Variants in GRM3 observed in about 807,000 individuals in gnomAD.
The protein encoded by GRM3 is metabotropic glutamate receptor 3.
A neutral mutation model predicts 70.5 loss-of-function variants in GRM3; 26 were observed. The observed-to-expected ratio is 0.37, with a 90% CI of 0.27 to 0.51. The LOEUF (loss-of-function observed/expected upper bound fraction) is 0.51, where lower values mean the gene tolerates loss of function less well. GRM3 is among the 20% of genes least tolerant of loss of function. GRM3 has a pLI of 0.93. For synonymous variants in GRM3, 443 were observed against 434.9 expected (o/e 1.02, Z -0.23); for missense variants, 859 against 1,123.8 (o/e 0.76, Z 3.37).
intron 1 of GRM3, among the ~76,000 whole-genome samples, chr7:86,729,199 G>C (rs1795663119): frequency 6.6e-6 from 1 of 152,134 alleles, no homozygotes; most frequent in Admixed American, 6.5e-5. Flanking sequence ...GGATTCCCAA[G>C]CTGGACTGTC....
At chr7:86,720,933 CAAG>C (rs1795446820) in intron 1 of GRM3, among the ~76,000 whole-genome samples, 1 of 151,992 alleles carries the variant, frequency 6.6e-6, no homozygotes, top group African/African-American at 2.4e-5. Flanking sequence ...AGTAAACAAA[CAAG>C]AAACAGAGGA....
chr7:86,765,184 T>C lies in GRM3; in HGVS notation c.39T>C (p.Ala13=). 1 of 1,600,282 alleles carries C rather than the reference T, an allele frequency of 6.2e-7. No individual in the cohort carries two copies. The highest frequency in any genetic ancestry group is 8.5e-7 in the Non-Finnish European group (1 of 1,175,450). ...MLTRLQVLTL[A]LFSKGFLLSL... ...CAAGACTGCAAGTTCTTACCTTAGC[T>C]TTGTTTTCAAAGGGATTTTTACTCT... The change falls in exon 2 of 6, where the codon GCT becomes GCC. Residue 13 remains alanine (A), a synonymous_variant. Transcript: ENST00000361669.
At chr7:86,823,370 CT>C (rs1798163115) in intron 3 of GRM3, among the ~76,000 whole-genome samples, 1 of 152,008 alleles carries the variant, frequency 6.6e-6, no homozygotes, top group South Asian at 2.1e-4. Flanking sequence ...TCTACTACCC[CT>C]GCTTTTCTTT....
intron 3 of GRM3, among the ~76,000 whole-genome samples, chr7:86,828,872 T>G (rs929773426): frequency 6.6e-6 from 1 of 152,246 alleles, no homozygotes; most frequent in African/African-American, 2.4e-5. Context: ...TTGGAGTCAG[T>G]TCTCTCAAAT....
chr7:86,674,463 T>C (rs865833849), intron 1 of GRM3, among the ~76,000 whole-genome samples: 1 of 152,124 alleles, frequency 6.6e-6, no homozygotes, highest in South Asian at 2.1e-4. Context: ...GTCATTAGGT[T>C]CAGCCCACAT....
chr7:86,804,777 C>T (rs377076127), intron 3 of GRM3, among the ~76,000 whole-genome samples: 7 of 152,186 alleles, frequency 4.6e-5, no homozygotes, highest in African/African-American at 9.6e-5. Flanking sequence ...AAAAATAGAG[C>T]GGATTTCTAT....
chr7:86,788,261 G>A (rs1001275203), intron 3 of GRM3, among the ~76,000 whole-genome samples: 20 of 152,284 alleles, frequency 1.3e-4, no homozygotes, highest in African/African-American at 4.6e-4. Context: ...TCACTCAGAA[G>A]TCAAGTGGTC....
At chr7:86,829,545 C>A (rs1021398898) in intron 3 of GRM3, among the ~76,000 whole-genome samples, 10 of 152,026 alleles carry the variant, frequency 6.6e-5, no homozygotes, top group African/African-American at 1.9e-4. Context: ...ACTTATAGAC[C>A]ATCATAAGGT....
At chr7:86,668,011 C>T (rs1794072638) in intron 1 of GRM3, among the ~76,000 whole-genome samples, 1 of 152,104 alleles carries the variant, frequency 6.6e-6, no homozygotes, top group Non-Finnish European at 1.5e-5. Flanking sequence ...CCACTTCCAC[C>T]CCAGTCTCCT....
intron 1 of GRM3, among the ~76,000 whole-genome samples, chr7:86,670,050 C>T (rs568800372): frequency 2.0e-5 from 3 of 152,138 alleles, no homozygotes; most frequent in South Asian, 2.1e-4. Flanking sequence ...TCTAAAGCAC[C>T]CTCATTACCC....
In GRM3 at chr7:86,839,435, T is replaced by C; in HGVS notation, c.1921T>C (p.Cys641Arg). 1.2e-6 allele frequency: 2 copies of C among 1,613,938 alleles called. No homozygotes were observed. The highest frequency in any genetic ancestry group is 1.7e-6 in the Non-Finnish European group (2 of 1,179,862). ...CATTGCCAAGCCATCACCAGTCATC[T>C]GTGCATTGCGCCGACTCGGGCTGGG... ...FFIAKPSPVI[C>R]ALRRLGLGSS... The change falls in exon 4 of 6, where the codon TGT (cysteine) becomes CGT (arginine). Residue 641 changes from cysteine to arginine, a missense_variant. Coordinates refer to ENST00000361669, the MANE Select transcript of GRM3 (RefSeq NM_000840.3). The surrounding 1 kb of genome is among the most constrained non-coding windows in gnomAD (Gnocchi z 4.5).
intron 3 of GRM3, among the ~76,000 whole-genome samples, chr7:86,811,085 T>C (rs569774580): frequency 6.6e-6 from 1 of 151,916 alleles, no homozygotes; most frequent in South Asian, 2.1e-4. Flanking sequence ...GATTTCTCCA[T>C]AAGAGAAACA....
chr7:86,851,243 A>G (rs918165881), intron 5 of GRM3, among the ~76,000 whole-genome samples: 4 of 152,106 alleles, frequency 2.6e-5, no homozygotes, highest in African/African-American at 9.7e-5. Context: ...CAATGACACA[A>G]TGTTTTCTCA....
chr7:86,738,781 T>C (rs951778087), intron 1 of GRM3, among the ~76,000 whole-genome samples: 1 of 152,192 alleles, frequency 6.6e-6, no homozygotes, highest in Admixed American at 6.5e-5. Flanking sequence ...TTTTAATTGA[T>C]AGATAAAAAA....
At position 86,839,957 on chromosome 7, in the gene GRM3, C is replaced by G. The variant is rs1408446525; in HGVS notation, c.2391+52C>G. ...TCTTGTTCTTTCTCCTCCAGTGTTT[C>G]TTGTGTAGTATTTAAAATAGACTCC... On this transcript the variant is annotated intron_variant, in intron 4 of 5. Coordinates refer to ENST00000361669, the MANE Select transcript of GRM3 (RefSeq NM_000840.3). This position sits in a 1 kb window ranked among gnomAD's most constrained non-coding sequence, Gnocchi z 4.5. 9.6e-7 allele frequency: 1 copy of G among 1,042,736 alleles called. No individual in the cohort carries two copies. 64.6% of individuals were successfully genotyped at this position (1,042,736 alleles called of 1,614,324 possible).
intron 1 of GRM3, among the ~76,000 whole-genome samples, chr7:86,693,737 AGCCG>A (rs1562828007): frequency 6.6e-6 from 1 of 151,208 alleles, no homozygotes; most frequent in African/African-American, 2.5e-5. Flanking sequence ...GCTAGAGCCG[AGCCG>A]CTGTTATAGA....
chr7:86,765,730 A>T, intron 2 of GRM3, 117 bp downstream of exon 2: 1 of 822,594 alleles, frequency 1.2e-6, no homozygotes, highest in South Asian at 2.1e-5. Flanking sequence ...CAATGCAATT[A>T]TTAATTTTTC....
chr7:86,647,495 A>G (rs274613), intron 1 of GRM3, among the ~76,000 whole-genome samples: 102,573 of 152,046 alleles, frequency 0.67, 34,964 homozygotes, highest in East Asian at 0.87. Context: ...AGTTACGCAC[A>G]CTGGAATGTG....
chr7:86,724,864 G>A (rs1293633537), intron 1 of GRM3, among the ~76,000 whole-genome samples: 1 of 152,034 alleles, frequency 6.6e-6, no homozygotes, highest in Non-Finnish European at 1.5e-5. Flanking sequence ...CTCATTAAAA[G>A]ACTACAATAT....
Sources: allele counts gnomAD v4.1 joint callset (sites outside exome capture counted in the v4.1 genomes callset), GRCh38; gene constraint gnomAD v4.1.1; non-coding constraint Gnocchi (gnomAD v3.1); transcripts MANE v1.5; gene names NCBI Gene and HGNC (gene_info 2026-07-23, HGNC 2026-07-21).